Variants in CEP290 observed in about 807,000 individuals in gnomAD.
CEP290 encodes the protein centrosomal protein 290.
In CEP290, 317 loss-of-function variants were observed where a neutral mutation model predicts 344.9. The observed-to-expected ratio is 0.92, with a 90% CI of 0.84 to 1.01. The LOEUF (loss-of-function observed/expected upper bound fraction) is 1.01. Ranked by LOEUF, CEP290 falls within the 50% of genes least tolerant of loss-of-function variation. CEP290 has a pLI of 0.00. For synonymous variants in CEP290, 932 were observed against 895.8 expected, an observed-to-expected ratio of 1.04 and a Z score of -0.72; for missense variants, 2,754 against 2,761.4, an observed-to-expected ratio of 1.00 and a Z score of 0.06.
rs370725951 is a variant in CEP290, at chr12:88,136,730, G to A, written c.354C>T (p.Cys118=). The A allele has an allele frequency of 6.2e-7, 1 of 1,613,424 alleles. No individual in the cohort carries two copies. The highest frequency in any genetic ancestry group is 8.5e-7 in the Non-Finnish European group (1 of 1,179,654). ...TTTGTTCTAATTGTTTTTCAAGTTGGCAAATTTCATTACGTAAAAACCGAG... is the reference window on the plus strand; with the variant it reads ...TTTGTTCTAATTGTTTTTCAAGTTGACAAATTTCATTACGTAAAAACCGAG... ...RDTRFLRNEI[C]QLEKQLEQKD... The change falls in exon 6 of 54, where the codon TGC becomes TGT. Residue 118 remains cysteine, a synonymous_variant. Coordinates refer to ENST00000552810, the MANE Select transcript of CEP290 (RefSeq NM_025114.4).
intron 26 of CEP290, among the ~76,000 whole-genome samples, chr12:88,098,963 T>C (rs139760796): frequency 6.6e-6 from 1 of 152,148 alleles, no homozygotes; most frequent in South Asian, 2.1e-4. Flanking sequence ...GGGCATGGCA[T>C]GCCAAGACAA....
chr12:88,050,263 A>T (rs1295065569), intron 53 of CEP290, 91 bp downstream of exon 53: 13 of 661,712 alleles, frequency 2.0e-5, no homozygotes, highest in Non-Finnish European at 3.1e-5. Context: ...TTATTACTGA[A>T]TTTTTTAGGA....
chr12:88,129,544 G>A (rs2039940960), intron 10 of CEP290, 150 bp downstream of exon 10: 1 of 496,728 alleles, frequency 2.0e-6, no homozygotes, highest in East Asian at 3.7e-5. Flanking sequence ...AAACACATAT[G>A]GACAAATATA....
chr12:88,130,696 AAAG>A, intron 7 of CEP290, 131 bp from the exon 8 acceptor site: 2 of 586,818 alleles, frequency 3.4e-6, no homozygotes, highest in Non-Finnish European at 5.5e-6. Flanking sequence ...ATAACCAAAG[AAAG>A]AATACTAATT....
At position 88,141,248 on chromosome 12, in the gene CEP290, A is replaced by T. The variant is rs1239945620; in HGVS notation, c.60T>A (p.Arg20=). The T allele has an allele frequency of 6.2e-7, 1 of 1,611,094 alleles. No individual in the cohort carries two copies. The highest frequency in any genetic ancestry group is 8.5e-7 in the Non-Finnish European group (1 of 1,179,062). Residue 20 remains arginine, a synonymous_variant, in exon 2 of 54, where the codon CGT becomes CGA. Coordinates refer to ENST00000552810, the MANE Select transcript of CEP290 (RefSeq NM_025114.4). ...ATAAATTATCTGCCAGTTCTTCTTG[A>T]CGGGGCAGGTCATCTGGGTCAACTT... ...IMKVDPDDLP[R]QEELADNLLI...
At position 88,111,749 on chromosome 12, in the gene CEP290, T is replaced by G; in HGVS notation, c.2162A>C (p.Glu721Ala). ...RNEELRQELR[E>A]SRKEAINYSQ... Reference sequence around the variant, plus strand: ...ATAATTTATAGCCTCTTTCCGAGATTCCCTGAGCTCCTGTCTTAATTCTTC... The same window carrying G: ...ATAATTTATAGCCTCTTTCCGAGATGCCCTGAGCTCCTGTCTTAATTCTTC... The change falls in exon 21 of 54, where the codon GAA (glutamate) becomes GCA (alanine). Residue 721 changes from glutamate to alanine, a missense_variant. Coordinates refer to ENST00000552810, the MANE Select transcript of CEP290 (RefSeq NM_025114.4). The G allele has an allele frequency of 6.2e-7, 1 of 1,604,844 alleles. No homozygotes were observed. The highest frequency in any genetic ancestry group is 8.5e-7 in the Non-Finnish European group (1 of 1,176,516).
chr12:88,096,207 C>T (rs1436530694), intron 27 of CEP290, among the ~76,000 whole-genome samples: 5 of 152,102 alleles, frequency 3.3e-5, no homozygotes, highest in Admixed American at 6.6e-5. Context: ...TGCCACCACG[C>T]CTGGCTAATT....
At chr12:88,088,299 G>A (rs1318960240) in intron 31 of CEP290, among the ~76,000 whole-genome samples, 2 of 152,140 alleles carry the variant, frequency 1.3e-5, no homozygotes, top group Admixed American at 6.5e-5. Context: ...AGAACAGGAT[G>A]TAGTTGCAAG....
rs201295052 is a variant in CEP290 at position 88,117,128 on chromosome 12, G to A, written c.1729C>T (p.Leu577=). ...SATSGLTTED[L]NLTENISQGD... is the part of the protein sequence containing the mutation. The stretch of plus-strand genomic sequence containing the variant: ...TGAGAAATGTTTTCAGTTAGGTTCA[G>A]GTCCTCAGTGGTTAATCCTATATAT... The change falls in exon 18 of 54, where the codon CTG becomes TTG. Residue 577 remains leucine, a synonymous_variant. Transcript: ENST00000552810. 286 of 1,535,606 alleles carry A rather than the reference G, an allele frequency of 1.9e-4. No individual in the cohort carries two copies. The Middle Eastern group carries it at 4.4e-3, about 24-fold the overall frequency.
intron 22 of CEP290, among the ~76,000 whole-genome samples, chr12:88,110,824 C>T (rs560692037): frequency 1.6e-4 from 25 of 152,284 alleles, no homozygotes; most frequent in Non-Finnish European, 2.4e-4. Flanking sequence ...AATAAAAGTG[C>T]TCATTTACTT....
Position 88,129,034 on chromosome 12 carries a change from A to C in CEP290, c.854T>G (p.Val285Gly), listed in dbSNP as rs1307751555. Residue 285 changes from valine to glycine, a missense_variant and splice_region_variant, in exon 11 of 54, where the codon GTG (valine) becomes GGG (glycine). Physicochemically the swap from Val to Gly is moderately radical, Grantham distance 109. Coordinates refer to ENST00000552810, the MANE Select transcript of CEP290 (RefSeq NM_025114.4). ...KKENDHYQLQVQELTDLLKSK... is the reference protein window; with the variant it reads ...KKENDHYQLQGQELTDLLKSK... ...TTTCAGAAGATCTGTAAGCTCCTGC[A>C]CCTAAAAGACAAAGTTATTTCAAGA... is the stretch of plus-strand genomic sequence containing the variant. The C allele has an allele frequency of 2.0e-5, 28 of 1,407,412 alleles. No individual in the cohort carries two copies. The Admixed American group carries it at 9.0e-4, about 45-fold the overall frequency. The allele number at this position is 1,407,412 out of a possible 1,614,324, so 87.2% of individuals were successfully genotyped here. A position where few individuals can be genotyped will look rare whatever the true frequency, so the allele number is the denominator to read the frequency against.
In CEP290 at chr12:88,077,710, G is replaced by T; in HGVS notation, c.5573C>A (p.Thr1858Asn). Residue 1858 changes from threonine to asparagine, a missense_variant, in exon 40 of 54, where the codon ACC becomes AAC. Physicochemically the swap from Thr to Asn is moderately conservative, Grantham distance 65. Transcript: ENST00000552810. ...ATATAAAATTACCTGTAATCCACTG[G>T]TTAGTCTTTTAATTTGCCTTTTCAG... is the stretch of plus-strand genomic sequence containing the variant. Reference protein sequence around the residue: ...DELKRQIKRLTSGLQGKPLTD... With the variant: ...DELKRQIKRLNSGLQGKPLTD... 1 of 1,547,176 alleles carries T rather than the reference G, an allele frequency of 6.5e-7. No individual in the cohort carries two copies. Among genetic ancestry groups the T allele is most frequent in the Non-Finnish European group, 8.7e-7 (1 of 1,142,916 alleles).
chr12:88,078,742 T>C (rs953395352), intron 39 of CEP290, among the ~76,000 whole-genome samples: 3 of 152,084 alleles, frequency 2.0e-5, no homozygotes, highest in African/African-American at 7.2e-5. Context: ...GTAGGAGATA[T>C]ACAGGAAATC....
At chr12:88,089,888 G>A (rs1017338406) in intron 30 of CEP290, among the ~76,000 whole-genome samples, 24 of 152,130 alleles carry the variant, frequency 1.6e-4, no homozygotes, top group African/African-American at 5.5e-4. Context: ...CACCACGCCT[G>A]GCTAACTTTT....
At chr12:88,071,667 T>C in intron 42 of CEP290, 114 bp downstream of exon 42, 3 of 907,242 alleles carry the variant, frequency 3.3e-6, no homozygotes, top group Non-Finnish European at 4.8e-6. Context: ...AGATAATAAA[T>C]GATCATTTAA....
At chr12:88,120,936 A>G in intron 14 of CEP290, 61 bp downstream of exon 14, 2 of 1,396,198 alleles carry the variant, frequency 1.4e-6, no homozygotes, top group Non-Finnish European at 2.0e-6. Flanking sequence ...ATAGCACAGA[A>G]TAGTCTGTGA....
intron 27 of CEP290, among the ~76,000 whole-genome samples, chr12:88,094,187 C>T (rs2037261105): frequency 6.6e-6 from 1 of 151,370 alleles, no homozygotes; most frequent in Non-Finnish European, 1.5e-5. Flanking sequence ...TAATGTTCTT[C>T]ATCAATCAAA....
At chr12:88,140,789 C>A (rs1174691652) in intron 3 of CEP290, among the ~76,000 whole-genome samples, 167 bp downstream of exon 3, 2 of 152,152 alleles carry the variant, frequency 1.3e-5, no homozygotes, top group Non-Finnish European at 2.9e-5. Flanking sequence ...TAGAAACTAG[C>A]AATGTTTTAT....
intron 23 of CEP290, among the ~76,000 whole-genome samples, chr12:88,108,680 C>G (rs962417689): frequency 2.6e-5 from 4 of 152,192 alleles, no homozygotes; most frequent in South Asian, 4.1e-4. Flanking sequence ...ACAAACTGTT[C>G]ATATGTGCCA....
Sources: allele counts gnomAD v4.1 joint callset (sites outside exome capture counted in the v4.1 genomes callset), GRCh38; gene constraint gnomAD v4.1.1; transcripts MANE v1.5; gene names NCBI Gene and HGNC (gene_info 2026-07-23, HGNC 2026-07-21).